Variants in ZSWIM6 observed in about 807,000 individuals in gnomAD.
ZSWIM6 encodes zinc finger SWIM domain-containing protein 6.
In ZSWIM6, 9 loss-of-function variants were observed where a neutral mutation model predicts 113.2. The ratio of observed to expected loss-of-function variants is 0.08; its 90% CI spans 0.05 to 0.14. ZSWIM6 has a LOEUF of 0.14. Among genes scored for constraint, ZSWIM6 ranks in the 10% least tolerant of loss-of-function variants. The pLI, the probability that ZSWIM6 is intolerant of heterozygous loss-of-function variation, is 1.00. For synonymous variants in ZSWIM6, 611 were observed against 606.5 expected (o/e 1.01, Z -0.11); for missense variants, 1,162 against 1,552.2 (o/e 0.75, Z 4.22).
intron 1 of ZSWIM6, among the ~76,000 whole-genome samples, chr5:61,441,167 A>G (rs1035142491): frequency 1.3e-5 from 2 of 152,218 alleles, no homozygotes; most frequent in African/African-American, 4.8e-5. Flanking sequence ...ATGAGATTAT[A>G]TTATGTATAA....
At chr5:61,413,651 TG>T (rs1746189880) in intron 1 of ZSWIM6, among the ~76,000 whole-genome samples, 1 of 152,122 alleles carries the variant, frequency 6.6e-6, no homozygotes, top group African/African-American at 2.4e-5. Context: ...AGTGTAAAAA[TG>T]TTCCTATTTC....
At position 61,358,997 on chromosome 5, in the gene ZSWIM6, A is replaced by G. The variant is rs1413848362; in HGVS notation, c.676+26049A>G. 3.9e-5 allele frequency among the ~76,000 whole-genome samples: 6 copies of G among 152,224 alleles called. No homozygotes were observed. In the East Asian group the frequency reaches 1.2e-3, roughly 29 times the overall value. ...CTCTCATATGGGGAAGCTCTGCTGT[A>G]TAGAGGACATTTCAGGTGTAATGAA... On this transcript the variant is annotated intron_variant, in intron 1 of 13. Transcript: ENST00000252744.
intron 1 of ZSWIM6, among the ~76,000 whole-genome samples, chr5:61,342,026 T>G (rs1744561736): frequency 6.6e-6 from 1 of 151,908 alleles, no homozygotes. Flanking sequence ...ATTACAGACA[T>G]GCGCCATGAC....
At chr5:61,435,420 C>T (rs1218437435) in intron 1 of ZSWIM6, among the ~76,000 whole-genome samples, 5 of 152,142 alleles carry the variant, frequency 3.3e-5, no homozygotes, top group Admixed American at 3.3e-4. Context: ...TGGGAACCAT[C>T]CAAATGGAAT....
intron 8 of ZSWIM6, among the ~76,000 whole-genome samples, chr5:61,531,064 C>G (rs1749417146): frequency 6.6e-6 from 1 of 152,082 alleles, no homozygotes; most frequent in Non-Finnish European, 1.5e-5. Flanking sequence ...GTTATGTTCC[C>G]TACTGTTTTT....
At chr5:61,424,886 C>T (rs1746434245) in intron 1 of ZSWIM6, among the ~76,000 whole-genome samples, 1 of 152,068 alleles carries the variant, frequency 6.6e-6, no homozygotes, top group African/African-American at 2.4e-5. Flanking sequence ...CGCCACCACG[C>T]CCGTCTAATT....
intron 1 of ZSWIM6, among the ~76,000 whole-genome samples, chr5:61,389,175 G>T (rs1480593525): frequency 6.6e-6 from 1 of 152,050 alleles, no homozygotes; most frequent in Non-Finnish European, 1.5e-5. Flanking sequence ...TTTTGGGAAG[G>T]TGCTCTCTCA....
At chr5:61,444,815 AT>A (rs1202281852) in intron 1 of ZSWIM6, among the ~76,000 whole-genome samples, 1 of 152,018 alleles carries the variant, frequency 6.6e-6, no homozygotes, top group Non-Finnish European at 1.5e-5. Flanking sequence ...AATAGCTTTA[AT>A]TTTTTTGGCT....
At position 61,383,153 on chromosome 5, in the gene ZSWIM6, A is replaced by T. The variant is rs1745519800; in HGVS notation, c.676+50205A>T. Among the ~76,000 whole-genome samples, 3 of 152,250 alleles carry T rather than the reference A, an allele frequency of 2.0e-5. No homozygotes were observed. In the South Asian group the frequency reaches 6.2e-4, roughly 31 times the overall value. On this transcript the variant is annotated intron_variant, in intron 1 of 13. Coordinates refer to ENST00000252744, the MANE Select transcript of ZSWIM6 (RefSeq NM_020928.2). ...GAAAATGTAACTTACATACTTTTAA[A>T]AAATAAGTTTATTGTATGTTTATTG...
chr5:61,360,344 A>G (rs1012344226), intron 1 of ZSWIM6, among the ~76,000 whole-genome samples: 2 of 152,276 alleles, frequency 1.3e-5, no homozygotes, highest in African/African-American at 4.8e-5. Context: ...TATAGTTTAT[A>G]GACTTCTAGC....
In ZSWIM6 at chr5:61,494,397, C is replaced by T; in HGVS notation, c.1320C>T (p.Leu440=). The part of the protein sequence containing the change: ...GTAMTDKYRQ[L]WDELGALWMC... ...CAATGACTGACAAATACAGGCAGCT[C>T]TGGGATGAGCTGGGTAAGCATGTTT... is the stretch of plus-strand genomic sequence containing the variant. The change falls in exon 4 of 14, where the codon CTC becomes CTT. Residue 440 remains leucine (L), a synonymous_variant. Transcript: ENST00000252744. 1 of 1,550,878 alleles carries T rather than the reference C, an allele frequency of 6.4e-7. No homozygotes were observed. The highest frequency in any genetic ancestry group is 8.7e-7 in the Non-Finnish European group (1 of 1,146,462).
In ZSWIM6 at chr5:61,437,250, A is replaced by G. The variant is rs17422310; in HGVS notation, c.677-35431A>G. On this transcript the variant is annotated intron_variant, in intron 1 of 13. Coordinates refer to ENST00000252744, the MANE Select transcript of ZSWIM6 (RefSeq NM_020928.2). ...GGAATAGTGGAACCTAAACTTCTAC[A>G]TCTGAAAGGAAAATAGATTAACCTT... Among the ~76,000 whole-genome samples the G allele has an allele frequency of 8.2e-3, 1,256 of 152,276 alleles. 8 individuals are homozygous for G. Among genetic ancestry groups the G allele is most frequent in the Non-Finnish European group, 0.014 (952 of 68,002 alleles).
chr5:61,399,903 T>C (rs546047696), intron 1 of ZSWIM6, among the ~76,000 whole-genome samples: 29 of 152,330 alleles, frequency 1.9e-4, no homozygotes, highest in South Asian at 1.2e-3. Flanking sequence ...ATGATTGTTA[T>C]AACTAAACAA....
intron 1 of ZSWIM6, among the ~76,000 whole-genome samples, chr5:61,373,372 C>CTTTTT (rs748556109): frequency 1.1e-3 from 113 of 102,888 alleles, no homozygotes; most frequent in African/African-American, 1.9e-3. Flanking sequence ...CTCAGTATTT[C>CTTTTT]TTTTTTTTTT....
chr5:61,428,004 A>G (rs907101390), intron 1 of ZSWIM6, among the ~76,000 whole-genome samples: 3 of 151,974 alleles, frequency 2.0e-5, no homozygotes, highest in African/African-American at 7.3e-5. Context: ...TTTTCCAGCT[A>G]CTGGAGATGG....
At chr5:61,491,951 T>G (rs1354413867) in intron 3 of ZSWIM6, among the ~76,000 whole-genome samples, 4 of 152,048 alleles carry the variant, frequency 2.6e-5, no homozygotes, top group African/African-American at 4.8e-5. Context: ...TTCCCCAGAA[T>G]TAGATTACAA....
At chr5:61,356,731 A>ATT (rs1554030371) in intron 1 of ZSWIM6, among the ~76,000 whole-genome samples, 2 of 131,390 alleles carry the variant, frequency 1.5e-5, no homozygotes, top group South Asian at 2.2e-4. Flanking sequence ...CATAATATAT[A>ATT]ATATATATTA....
chr5:61,459,239 A>T (rs1747272334), intron 1 of ZSWIM6, among the ~76,000 whole-genome samples: 1 of 152,218 alleles, frequency 6.6e-6, no homozygotes, highest in Non-Finnish European at 1.5e-5. Flanking sequence ...CAGTTATTTG[A>T]TATTGAAAGG....
intron 1 of ZSWIM6, among the ~76,000 whole-genome samples, chr5:61,333,386 G>A (rs1389604341): frequency 6.6e-6 from 1 of 151,804 alleles, no homozygotes; most frequent in African/African-American, 2.4e-5. Context: ...TGCCGGCCGC[G>A]GCCCGGCCGC....
Sources: gnomAD v4.1 joint callset for allele counts (sites outside exome capture counted in the v4.1 genomes callset) on GRCh38, gnomAD v4.1.1 for gene constraint, MANE v1.5 for transcripts, NCBI Gene and HGNC (gene_info 2026-07-23, HGNC 2026-07-21) for gene names.